The following ARID1A variants were observed in gnomAD, a reference collection of about 807,000 sequenced individuals.
The protein encoded by ARID1A is AT-rich interactive domain-containing protein 1A.
In ARID1A, 20 loss-of-function variants were observed where a neutral mutation model predicts 212.6. That is an observed-to-expected ratio of 0.09 (90% CI 0.07 to 0.14). ARID1A has a LOEUF of 0.14. Among genes scored for constraint, ARID1A ranks in the 10% least tolerant of loss-of-function variants. The probability of loss-of-function intolerance (pLI) is 1.00; values close to 1 mark genes in which losing one functional copy is unlikely to be tolerated. For missense variants in ARID1A, 2,587 were observed against 3,059.0 expected (o/e 0.85, Z 3.64); for synonymous variants, 1,376 against 1,222.1 (o/e 1.13, Z -2.63).
At chr1:26,722,736 G>C (rs1451161415) in intron 1 of ARID1A, among the ~76,000 whole-genome samples, 1 of 152,182 alleles carries the variant, frequency 6.6e-6, no homozygotes, top group Non-Finnish European at 1.5e-5. Context: ...TGGTTCCTAG[G>C]TTATGAATGA....
chr1:26,698,857 C>G (rs1223325851), intron 1 of ARID1A, among the ~76,000 whole-genome samples: 1 of 152,054 alleles, frequency 6.6e-6, no homozygotes, highest in Non-Finnish European at 1.5e-5. Context: ...TTTTTTAGAA[C>G]TGGGAGCTTT....
Position 26,779,023 on chromosome 1 carries a change from C to A in ARID1A, c.5125C>A (p.Leu1709Ile). The A allele has an allele frequency of 6.7e-7, 1 of 1,500,488 alleles. No homozygotes were observed. Among genetic ancestry groups the A allele is most frequent in the Non-Finnish European group, 8.9e-7 (1 of 1,124,272 alleles). 92.9% of individuals were successfully genotyped at this position (1,500,488 alleles called of 1,614,324 possible). A position where few individuals can be genotyped will look rare whatever the true frequency, so the allele number is the denominator to read the frequency against. Residue 1709 changes from leucine to isoleucine, a missense_variant and splice_region_variant, in exon 20 of 20, where the codon CTC (leucine) becomes ATC (isoleucine). Leu to Ile is a conservative substitution (Grantham distance 5). Coordinates refer to ENST00000324856, the MANE Select transcript of ARID1A (RefSeq NM_006015.6). ...TATTTCCTGTTCTTTCTCTTTTTAG[C>A]TCCCAGGGTTGCTAGAGCTCCTTGT... The part of the protein sequence containing the change: ...NSIMTFNLSQ[L>I]PGLLELLVEY...
Position 26,729,817 on chromosome 1 carries a change from A to G in ARID1A, c.1304A>G (p.Gln435Arg). ...QTPQRYPMTM[Q>R]GRAQSAMGGL... ...CCGCAGCGGTACCCGATGACCATGC[A>G]GGGCCGGGCGCAGAGTGCCATGGGC... Residue 435 changes from glutamine (Q) to arginine (R), a missense_variant, in exon 2 of 20, where the codon CAG becomes CGG. By Grantham distance (43) the Gln-to-Arg change is conservative. Transcript: ENST00000324856. 2 of 1,614,234 alleles carry G rather than the reference A, an allele frequency of 1.2e-6. No individual in the cohort carries two copies. Among genetic ancestry groups the G allele is most frequent in the Non-Finnish European group, 1.7e-6 (2 of 1,180,040 alleles).
chr1:26,724,812 T>G (rs138935409), intron 1 of ARID1A, among the ~76,000 whole-genome samples: 1 of 152,248 alleles, frequency 6.6e-6, no homozygotes, highest in East Asian at 1.9e-4. Context: ...GCTAGCTGTT[T>G]GTTCTGAATA....
At chr1:26,741,377 A>C (rs967280797) in intron 4 of ARID1A, among the ~76,000 whole-genome samples, 1 of 152,232 alleles carries the variant, frequency 6.6e-6, no homozygotes, top group African/African-American at 2.4e-5. Flanking sequence ...GCTTGAGAAA[A>C]GGAAATGAGC....
chr1:26,736,358 G>T (rs538604144), intron 4 of ARID1A, among the ~76,000 whole-genome samples: 1 of 150,866 alleles, frequency 6.6e-6, no homozygotes, highest in Admixed American at 6.6e-5. Flanking sequence ...AGCTGGGCGC[G>T]GTGGCTCACA....
Position 26,779,052 on chromosome 1 carries a change from A to G in ARID1A, c.5154A>G (p.Glu1718=), listed in dbSNP as rs2081164191. The G allele has an allele frequency of 6.6e-7, 1 of 1,508,884 alleles. No homozygotes were observed. Among genetic ancestry groups the G allele is most frequent in the Non-Finnish European group, 8.9e-7 (1 of 1,128,638 alleles). The allele number at this position is 1,508,884 out of a possible 1,614,324, so 93.5% of individuals were successfully genotyped here. The change falls in exon 20 of 20, where the codon GAA becomes GAG. Residue 1718 remains glutamate (E), a synonymous_variant. Coordinates refer to ENST00000324856, the MANE Select transcript of ARID1A (RefSeq NM_006015.6). ...CAGGGTTGCTAGAGCTCCTTGTAGA[A>G]TATTTCCGACGATGCCTGATTGAGA... ...QLPGLLELLV[E]YFRRCLIEIF...
chr1:26,731,001 CA>C (rs1472684227), intron 2 of ARID1A, 150 bp from the exon 3 acceptor site: 4 of 867,214 alleles, frequency 4.6e-6, no homozygotes, highest in Admixed American at 2.5e-5. Context: ...TCAGTTTAGG[CA>C]GGGTGAGAGA....
rs2124098479 is a variant in ARID1A, at chr1:26,771,310, C to G, written c.3390C>G (p.Ile1130Met). The G allele has an allele frequency of 1.2e-6, 2 of 1,614,148 alleles. No individual in the cohort carries two copies. Among genetic ancestry groups the G allele is most frequent in the Non-Finnish European group, 1.7e-6 (2 of 1,180,042 alleles). Residue 1130 changes from isoleucine (I) to methionine (M), a missense_variant, in exon 12 of 20, where the codon ATC (isoleucine) becomes ATG (methionine). By Grantham distance (10) the Ile-to-Met change is conservative. This residue lies in a region of ARID1A where 890 missense variants were observed against 1,098.2 expected (regional missense o/e 0.81). Coordinates refer to ENST00000324856, the MANE Select transcript of ARID1A (RefSeq NM_006015.6). The surrounding 1 kb of genome is among the most constrained non-coding windows in gnomAD (Gnocchi z 5.4). ...ATTCCAAGAAGTCCCAGCCCAAGAT[C>G]CAGCCTCCCTCTCCTGGTAAGGATG... ...AADSKKSQPK[I>M]QPPSPAGSGS...
Position 26,697,065 on chromosome 1 carries a change from C to T in ARID1A, c.662C>T (p.Ala221Val), listed in dbSNP as rs544636631. 4.5e-5 allele frequency: 68 copies of T among 1,515,570 alleles called. 1 individual carries two copies. The South Asian group carries it at 8.2e-4, about 18-fold the overall frequency. 93.9% of individuals were successfully genotyped at this position (1,515,570 alleles called of 1,614,324 possible). Reference protein sequence around the residue: ...QYNSYYPNRSAYPPPAPAYAL... With the variant: ...QYNSYYPNRSVYPPPAPAYAL... ...AACTCCTACTACCCCAACCGCAGCG[C>T]CTACCCCCCGCCCGCCCCGGCCTAC... The change falls in exon 1 of 20, where the codon GCC (alanine) becomes GTC (valine). Residue 221 changes from alanine (A) to valine (V), a missense_variant. By Grantham distance (64) the Ala-to-Val change is moderately conservative (BLOSUM62 0). Around this residue, in one of 11 missense-constraint regions of ARID1A, gnomAD observed 735 missense variants for 590.6 expected, o/e 1.24. Coordinates refer to ENST00000324856, the MANE Select transcript of ARID1A (RefSeq NM_006015.6).
chr1:26,696,937 C>T lies in ARID1A; in HGVS notation c.534C>T (p.Ser178=). 1.4e-6 allele frequency: 2 copies of T among 1,448,840 alleles called. No homozygotes were observed. 89.7% of individuals were successfully genotyped at this position (1,448,840 alleles called of 1,614,324 possible). A position where few individuals can be genotyped will look rare whatever the true frequency, so the allele number is the denominator to read the frequency against. The stretch of plus-strand genomic sequence containing the variant: ...ACCAACAACATGGCGGACAACAAAG[C>T]CCTGGCCTGGCAGCGCTGCAGAGCG... ...VFHQQHGGQQ[S]PGLAALQSGG... The change falls in exon 1 of 20, where the codon AGC becomes AGT. Residue 178 remains serine (S), a synonymous_variant. Coordinates refer to ENST00000324856, the MANE Select transcript of ARID1A (RefSeq NM_006015.6).
At chr1:26,768,114 C>T in intron 11 of ARID1A, 115 bp downstream of exon 11, 1 of 1,164,668 alleles carries the variant, frequency 8.6e-7, no homozygotes. Context: ...CCCTCTCCCG[C>T]TTTCTGAGTC....
intron 4 of ARID1A, among the ~76,000 whole-genome samples, chr1:26,736,453 C>A (rs1363708088): frequency 1.3e-5 from 2 of 151,550 alleles, no homozygotes; most frequent in Non-Finnish European, 2.9e-5. Context: ...TATGGTGAAA[C>A]CCTGTCTCTA....
At chr1:26,716,203 CAAA>C (rs111787612) in intron 1 of ARID1A, among the ~76,000 whole-genome samples, 13 of 64,902 alleles carry the variant, frequency 2.0e-4, no homozygotes, top group East Asian at 5.4e-4. Flanking sequence ...GATTCCGTCT[CAAA>C]AAAAAAAAAA....
chr1:26,706,055 T>A (rs1018713874), intron 1 of ARID1A, among the ~76,000 whole-genome samples: 1 of 152,186 alleles, frequency 6.6e-6, no homozygotes. Flanking sequence ...TATGTTGATA[T>A]AAATACTAAG....
chr1:26,751,909 CATT>C (rs1216781801), intron 4 of ARID1A, among the ~76,000 whole-genome samples: 13 of 152,292 alleles, frequency 8.5e-5, no homozygotes, highest in East Asian at 3.9e-4. Flanking sequence ...AAGAATGAAT[CATT>C]ATCTTCAGAA....
chr1:26,702,378 TG>T (rs2080339512), intron 1 of ARID1A, among the ~76,000 whole-genome samples: 1 of 152,156 alleles, frequency 6.6e-6, no homozygotes, highest in Non-Finnish European at 1.5e-5. Flanking sequence ...AGTTTAGAAG[TG>T]TAATTTAGGT....
intron 4 of ARID1A, among the ~76,000 whole-genome samples, chr1:26,755,749 G>GT (rs971547108): frequency 2.5e-3 from 361 of 144,866 alleles, no homozygotes; most frequent in East Asian, 5.4e-3. Flanking sequence ...TGGTTTTTTG[G>GT]TTTTTTTTTT....
At chr1:26,748,644 ATT>A (rs1443097152) in intron 4 of ARID1A, among the ~76,000 whole-genome samples, 8 of 115,422 alleles carry the variant, frequency 6.9e-5, no homozygotes, top group African/African-American at 2.8e-4. Flanking sequence ...ATTTGAGTCT[ATT>A]AACTAGTGAC....
Sources: gnomAD v4.1 joint callset for allele counts (sites outside exome capture counted in the v4.1 genomes callset) on GRCh38, gnomAD v4.1.1 for gene constraint, gnomAD v4.1.1 regional missense constraint, Gnocchi (gnomAD v3.1) non-coding constraint, MANE v1.5 for transcripts, NCBI Gene and HGNC (gene_info 2026-07-23, HGNC 2026-07-21) for gene names.